CORO7: variants seen among roughly 807,000 people sequenced by gnomAD.
CORO7 encodes coronin 7, also known as coronin-7.
In CORO7, 107 loss-of-function variants were observed where a neutral mutation model predicts 126.6. The observed-to-expected ratio is 0.85, with a 90% CI of 0.72 to 0.99. The LOEUF is 0.99. Among genes scored for constraint, CORO7 ranks in the 50% least tolerant of loss-of-function variants. The pLI is 0.00. For missense variants in CORO7, 1,314 were observed against 1,255.8 expected (o/e 1.05, Z -0.70); for synonymous variants, 603 against 536.8 (o/e 1.12, Z -1.70).
Position 4,355,327 on chromosome 16 carries a change from G to A in CORO7, c.2731C>T (p.Leu911Phe), listed in dbSNP as rs1408677312. 1 of 1,613,008 alleles carries A rather than the reference G, an allele frequency of 6.2e-7. No homozygotes were observed. Among genetic ancestry groups the A allele is most frequent in the African/African-American group, 1.3e-5 (1 of 74,920 alleles). The change falls in exon 27 of 28, where the codon CTC becomes TTC. Residue 911 changes from leucine to phenylalanine, a missense_variant. By Grantham distance (22) the Leu-to-Phe change is conservative. Transcript: ENST00000251166. ...VAKLGNREDP[L>F]PQDSFEGVDE... ...ACGCCTTCAAAGGAGTCCTGGGGGA[G>A]TGGGTCCTCCCGGTTCCCCAGTTTT... is the stretch of plus-strand genomic sequence containing the variant.
At chr16:4,382,306 C>T (rs755692714) in intron 9 of CORO7, 9 of 1,610,238 alleles carry the variant, frequency 5.6e-6, no homozygotes, top group East Asian at 2.2e-5. Context: ...CACCTCCCTG[C>T]GCGTGGGGCT....
At chr16:4,375,778 A>T (rs1300912362) in intron 9 of CORO7, among the ~76,000 whole-genome samples, 1 of 152,138 alleles carries the variant, frequency 6.6e-6, no homozygotes, top group Non-Finnish European at 1.5e-5. Context: ...GTGAGCCACC[A>T]TGCCCGGCAG....
intron 6 of CORO7, among the ~76,000 whole-genome samples, chr16:4,400,488 C>T (rs1324573904): frequency 6.6e-6 from 1 of 152,130 alleles, no homozygotes; most frequent in African/African-American, 2.4e-5. Flanking sequence ...ACAAAATTAG[C>T]TGGGTGTGGT....
intron 9 of CORO7, chr16:4,382,566 C>T (rs779581052): frequency 4.0e-5 from 63 of 1,592,962 alleles, no homozygotes; most frequent in Admixed American, 8.6e-5. Context: ...ACTCCAACCA[C>T]GCCCCAGTCA....
intron 9 of CORO7, among the ~76,000 whole-genome samples, chr16:4,369,437 T>G (rs1209005743): frequency 6.6e-6 from 1 of 152,200 alleles, no homozygotes; most frequent in African/African-American, 2.4e-5. Context: ...GGCCTGCCAC[T>G]GGGAAGGGCT....
chr16:4,407,514 C>T lies in CORO7; in HGVS notation c.474G>A (p.Gln158=). ...GGTGGCCTGTACCTGTCAGGGGCTG[C>T]TGCTTGGCTGCGTCCCAGACCTTCA... is the stretch of plus-strand genomic sequence containing the variant. The part of the protein sequence containing the change: ...TTVKVWDAAK[Q]QPLTELAAHG... The change falls in exon 5 of 28, where the codon CAG becomes CAA. Residue 158 remains glutamine (Q), a synonymous_variant. Coordinates refer to ENST00000251166, the MANE Select transcript of CORO7 (RefSeq NM_024535.5). 1 of 1,568,928 alleles carries T rather than the reference C, an allele frequency of 6.4e-7. No homozygotes were observed. The highest frequency in any genetic ancestry group is 1.7e-4 in the Middle Eastern group (1 of 6,012).
At chr16:4,382,847 G>A in intron 9 of CORO7, 2 of 1,589,452 alleles carry the variant, frequency 1.3e-6, no homozygotes, top group Non-Finnish European at 8.6e-7. Context: ...CCACTCATGG[G>A]CTTCCCAGGG....
At chr16:4,383,134 T>C in intron 9 of CORO7, 1 of 514,746 alleles carries the variant, frequency 1.9e-6, no homozygotes, top group Non-Finnish European at 3.4e-6. Flanking sequence ...ATGAGGACAG[T>C]GTCCGCCCTG....
chr16:4,401,669 CA>C (rs2055813157), intron 6 of CORO7, among the ~76,000 whole-genome samples: 1 of 152,066 alleles, frequency 6.6e-6, no homozygotes, highest in African/African-American at 2.4e-5. Flanking sequence ...CAGAGCGGGC[CA>C]GAGAGAGCAA....
At chr16:4,401,167 G>A (rs1410720898) in intron 6 of CORO7, among the ~76,000 whole-genome samples, 1 of 152,204 alleles carries the variant, frequency 6.6e-6, no homozygotes, top group Non-Finnish European at 1.5e-5. Flanking sequence ...ACCTGGTCAT[G>A]GAAGGACAAA....
rs549677726 is a variant in CORO7 at position 4,375,249 on chromosome 16, C to T, written c.786-9704G>A. Among the ~76,000 whole-genome samples, 8 of 152,230 alleles carry T rather than the reference C, an allele frequency of 5.3e-5. 1 individual carries two copies. The South Asian group carries it at 1.2e-3, about 24-fold the overall frequency. On this transcript the variant is annotated intron_variant, in intron 9 of 27. Transcript: ENST00000251166. Reference sequence around the variant, plus strand: ...GCTACTGAAGGCACCCACCTGGGGCCGGGCCAGCCTCCTGGGTGGAGGGAG... The same window carrying T: ...GCTACTGAAGGCACCCACCTGGGGCTGGGCCAGCCTCCTGGGTGGAGGGAG...
At chr16:4,391,146 G>A (rs753058544) in intron 7 of CORO7, among the ~76,000 whole-genome samples, 1 of 152,194 alleles carries the variant, frequency 6.6e-6, no homozygotes, top group Non-Finnish European at 1.5e-5. Flanking sequence ...GAGGTGGGCT[G>A]GGCGCAATGG....
At chr16:4,359,873 C>G (rs1360883039) in intron 21 of CORO7, among the ~76,000 whole-genome samples, 1 of 149,940 alleles carries the variant, frequency 6.7e-6, no homozygotes, top group African/African-American at 2.5e-5. Context: ...TCCCCCAGAG[C>G]CCCTTGTGCA....
chr16:4,360,448 A>C lies in CORO7; in HGVS notation c.2018T>G (p.Leu673Arg). The C allele has an allele frequency of 6.2e-7, 1 of 1,612,738 alleles. No homozygotes were observed. The highest frequency in any genetic ancestry group is 1.6e-4 in the Middle Eastern group (1 of 6,062). ...VYRPRSGPEP[L>R]QEGPGPKGGR... The stretch of plus-strand genomic sequence containing the variant: ...CCCCAGCCCCTGTGTGCTCACCTGC[A>C]GGGGCTCAGGGCCACTCCGGGGCCT... The change falls in exon 20 of 28, where the codon CTG becomes CGG. Residue 673 changes from leucine to arginine, a missense_variant. Transcript: ENST00000251166.
chr16:4,412,713 C>T (rs923584999), intron 2 of CORO7: 108 of 449,428 alleles, frequency 2.4e-4, no homozygotes, highest in Admixed American at 7.9e-5. Flanking sequence ...TCGTATGGGG[C>T]TTGCAGCTAC....
At chr16:4,355,401 T>A (rs1277092612) in intron 26 of CORO7, 29 bp from the exon 27 acceptor site, 1 of 1,596,646 alleles carries the variant, frequency 6.3e-7, no homozygotes. Flanking sequence ...GAAGGGTAGG[T>A]AAGGGAATAG....
intron 9 of CORO7, among the ~76,000 whole-genome samples, chr16:4,369,521 C>T (rs1229950008): frequency 3.9e-5 from 6 of 152,200 alleles, no homozygotes; most frequent in Admixed American, 3.3e-4. Context: ...GATCTGCCCC[C>T]GCCCCTCAGC....
At chr16:4,381,946 A>G in intron 9 of CORO7, 2 of 1,608,542 alleles carry the variant, frequency 1.2e-6, no homozygotes, top group Non-Finnish European at 1.7e-6. Context: ...CACCACAGCC[A>G]CAGTGCCCAC....
intron 3 of CORO7, among the ~76,000 whole-genome samples, chr16:4,411,681 A>G (rs2056215726): frequency 6.6e-6 from 1 of 151,962 alleles, no homozygotes; most frequent in Non-Finnish European, 1.5e-5. Flanking sequence ...GACCCTGCAC[A>G]CCCAGCCTGA....
Sources: gnomAD v4.1 joint callset for allele counts (sites outside exome capture counted in the v4.1 genomes callset) on GRCh38, gnomAD v4.1.1 for gene constraint, MANE v1.5 for transcripts, NCBI Gene and HGNC (gene_info 2026-07-23, HGNC 2026-07-21) for gene names.